MYOM1: variants seen among roughly 807,000 people sequenced by gnomAD.
MYOM1 encodes myomesin-1.
In MYOM1, 164 loss-of-function variants were observed where a neutral mutation model predicts 205.3. That is an observed-to-expected ratio of 0.80 (90% CI 0.70 to 0.91). The LOEUF is 0.91. Ranked by LOEUF, MYOM1 falls within the 40% of genes least tolerant of loss-of-function variation. The pLI, the probability that MYOM1 is intolerant of heterozygous loss-of-function variation, is 0.00. For missense variants in MYOM1, 2,011 were observed against 2,127.3 expected (o/e 0.95, Z 1.08); for synonymous variants, 772 against 789.4 (o/e 0.98, Z 0.37).
intron 30 of MYOM1, 87 bp from the exon 31 acceptor site, chr18:3,085,219 G>C: frequency 4.5e-6 from 1 of 223,132 alleles, no homozygotes; most frequent in South Asian, 4.8e-5. Flanking sequence ...TGCTTCTTCT[G>C]CTGCTGCTGC....
At chr18:3,199,817 G>A (rs4273140) in intron 2 of MYOM1, among the ~76,000 whole-genome samples, 2,052 of 151,892 alleles carry the variant, frequency 0.014, 46 homozygotes, top group African/African-American at 0.046. Context: ...TCCAGCCTGG[G>A]TGACAGAGTG....
rs1377002622 is a variant in MYOM1, at chr18:3,215,034, C to T, written c.190G>A (p.Ala64Thr). Residue 64 changes from alanine (A) to threonine (T), a missense_variant, in exon 2 of 38, where the codon GCG becomes ACG. By Grantham distance (58) the Ala-to-Thr change is moderately conservative. Transcript: ENST00000356443. ...HRRESEAFRR[A>T]SASSSQQQAS... ...TGCTGCTGGGAGGAGGAGGCGGACG[C>T]CCGACGGAAGGCCTCGGACTCCCGG... The T allele has an allele frequency of 1.2e-5, 19 of 1,612,624 alleles. No homozygotes were observed. The highest frequency in any genetic ancestry group is 1.5e-5 in the Non-Finnish European group (18 of 1,179,386).
At chr18:3,227,209 T>G in the MYOM1 span, among the ~76,000 whole-genome samples, 1 of 152,232 alleles carries the variant, frequency 6.6e-6, no homozygotes, top group Non-Finnish European at 1.5e-5. Flanking sequence ...GTTTGTATTT[T>G]TTTTACTTGA....
intron 22 of MYOM1, among the ~76,000 whole-genome samples, chr18:3,108,466 A>C (rs993229409): frequency 6.6e-6 from 1 of 152,230 alleles, no homozygotes; most frequent in Non-Finnish European, 1.5e-5. Flanking sequence ...CAAAAGGTAC[A>C]TGATACTCAA....
In MYOM1 at chr18:3,112,357, T is replaced by G; in HGVS notation, c.3359A>C (p.Gln1120Pro). 1 of 1,612,972 alleles carries G rather than the reference T, an allele frequency of 6.2e-7. No homozygotes were observed. The highest frequency in any genetic ancestry group is 8.5e-7 in the Non-Finnish European group (1 of 1,179,126). ...SYVFRVRAIN[Q>P]AGVGKPSDLA... ...GTCAGATGGCTTCCCAACTCCCGCC[T>G]GGTTTATGGCTCGAACACGGAACAC... Residue 1120 changes from glutamine (Q) to proline (P), a missense_variant, in exon 22 of 38, where the codon CAG becomes CCG. Gln to Pro is a moderately conservative substitution (Grantham distance 76). Coordinates refer to ENST00000356443, the MANE Select transcript of MYOM1 (RefSeq NM_003803.4).
At chr18:3,124,303 C>CTTTTTT (rs34118507) in intron 19 of MYOM1, among the ~76,000 whole-genome samples, 1 of 130,902 alleles carries the variant, frequency 7.6e-6, no homozygotes, top group Non-Finnish European at 1.6e-5. Flanking sequence ...TTTCTTTTTT[C>CTTTTTT]TTTTTTTTTT....
chr18:3,216,296 G>A (rs575243088), intron 1 of MYOM1, among the ~76,000 whole-genome samples: 2 of 152,220 alleles, frequency 1.3e-5, no homozygotes, highest in South Asian at 4.1e-4. Context: ...AAGAAATACA[G>A]TGGTAAACAA....
chr18:3,086,961 T>C (rs1244312621), intron 29 of MYOM1, among the ~76,000 whole-genome samples: 1 of 152,188 alleles, frequency 6.6e-6, no homozygotes, highest in African/African-American at 2.4e-5. Context: ...GTTGTCTCAT[T>C]ATACGTGACA....
intron 36 of MYOM1, among the ~76,000 whole-genome samples, chr18:3,074,228 A>C (rs1285668328): frequency 6.6e-6 from 1 of 152,188 alleles, no homozygotes; most frequent in East Asian, 1.9e-4. Context: ...CTGGTGCCCC[A>C]GTACCAGCCT....
At chr18:3,226,649 A>C in the MYOM1 span, among the ~76,000 whole-genome samples, 2 of 152,106 alleles carry the variant, frequency 1.3e-5, no homozygotes, top group African/African-American at 4.8e-5. The surrounding 1 kb of genome is among the most constrained non-coding windows in gnomAD (Gnocchi z 4.6). Context: ...TAGGATGGGA[A>C]GTTTTTCGTG....
rs550046604 is a variant in MYOM1 at position 3,124,565 on chromosome 18, A to G, written c.2991+2136T>C. Among the ~76,000 whole-genome samples, 11 of 151,062 alleles carry G rather than the reference A, an allele frequency of 7.3e-5. 1 individual carries two copies. In the South Asian group the frequency reaches 2.3e-3, roughly 32 times the overall value. On this transcript the variant is annotated intron_variant, in intron 19 of 37. Transcript: ENST00000356443. ...AGGATAGTCTCGATCTCCTGACCTC[A>G]TGATCCACCTGCCTCGGCCTCCCAA...
intron 2 of MYOM1, among the ~76,000 whole-genome samples, chr18:3,206,769 T>C (rs1445282667): frequency 2.6e-5 from 4 of 152,196 alleles, no homozygotes; most frequent in Non-Finnish European, 5.9e-5. Context: ...AGTAGAAAGC[T>C]GAAGAGTCCT....
chr18:3,071,920 T>G (rs1474288429), intron 36 of MYOM1, 31 bp from the exon 37 acceptor site: 7 of 1,588,480 alleles, frequency 4.4e-6, no homozygotes, highest in Non-Finnish European at 6.0e-6. Context: ...GGTTAATCAC[T>G]GCAGTGGCAA....
chr18:3,141,989 T>C lies in MYOM1; in HGVS notation c.1975A>G (p.Lys659Glu). Residue 659 changes from lysine (K) to glutamate (E), a missense_variant, in exon 14 of 38, where the codon AAG (lysine) becomes GAG (glutamate). Lys to Glu is a moderately conservative substitution (Grantham distance 56). Coordinates refer to ENST00000356443, the MANE Select transcript of MYOM1 (RefSeq NM_003803.4). The stretch of plus-strand genomic sequence containing the variant: ...TCATGACCACGCTGGCCAGGGGGCT[T>C]CCAGCTGAGCACCACATAGCTCCGG... ...ATRSYVVLSW[K>E]PPGQRGHEGI... The C allele has an allele frequency of 6.2e-7, 1 of 1,613,872 alleles. No individual in the cohort carries two copies. The highest frequency in any genetic ancestry group is 8.5e-7 in the Non-Finnish European group (1 of 1,179,854).
intron 10 of MYOM1, among the ~76,000 whole-genome samples, chr18:3,156,904 C>T (rs374951026): frequency 1.3e-5 from 2 of 152,156 alleles, no homozygotes; most frequent in South Asian, 2.1e-4. Context: ...CCACCGCGCC[C>T]GGCGAGACAC....
At position 3,174,216 on chromosome 18, in the gene MYOM1, A is replaced by G. The variant is rs775992081; in HGVS notation, c.1023-8T>C. On this transcript the variant is annotated splice_polypyrimidine_tract_variant and splice_region_variant and intron_variant, in intron 6 of 37. Transcript: ENST00000356443. ...GTATCTTCAAAATCACATCTGAAAG[A>G]ACAGACGGAAATGAATATCCATCGT... 7 of 1,609,938 alleles carry G rather than the reference A, an allele frequency of 4.3e-6. No individual in the cohort carries two copies. The highest frequency in any genetic ancestry group is 5.9e-6 in the Non-Finnish European group (7 of 1,177,188).
rs756428714 is a variant in MYOM1, at chr18:3,071,855, C to T, written c.4743G>A (p.Val1581=). ...RARVLGGLPD[V]VTIQEGKALN... is the part of the protein sequence containing the mutation. Reference sequence around the variant, plus strand: ...TTACCTTCCCCTCCTGGATGGTGACCACGTCTGGGAGACCTCCCAACACCC... The same window carrying T: ...TTACCTTCCCCTCCTGGATGGTGACTACGTCTGGGAGACCTCCCAACACCC... Residue 1581 remains valine (V), a synonymous_variant, in exon 37 of 38, where the codon GTG becomes GTA. Coordinates refer to ENST00000356443, the MANE Select transcript of MYOM1 (RefSeq NM_003803.4). The T allele has an allele frequency of 6.6e-5, 106 of 1,604,570 alleles. No individual in the cohort carries two copies. The African/African-American group carries it at 1.0e-3, about 15-fold the overall frequency.
chr18:3,134,496 C>T (rs1299164515), intron 16 of MYOM1, among the ~76,000 whole-genome samples, 154 bp downstream of exon 16: 5 of 152,098 alleles, frequency 3.3e-5, no homozygotes, highest in Admixed American at 2.6e-4. Flanking sequence ...CCACCTCAGC[C>T]TCCGAAAGTG....
chr18:3,174,057 C>T, intron 7 of MYOM1, 57 bp from the exon 8 acceptor site: 1 of 1,604,536 alleles, frequency 6.2e-7, no homozygotes, highest in East Asian at 2.2e-5. Context: ...TATTTTAAAA[C>T]CATGGGAAGA....
Sources: gnomAD v4.1 joint callset for allele counts (sites outside exome capture counted in the v4.1 genomes callset) on GRCh38, gnomAD v4.1.1 for gene constraint, Gnocchi (gnomAD v3.1) non-coding constraint, MANE v1.5 for transcripts, NCBI Gene and HGNC (gene_info 2026-07-23, HGNC 2026-07-21) for gene names.